The following CCSER2 variants were observed in gnomAD, a reference collection of about 807,000 sequenced individuals.
CCSER2 encodes the protein serine-rich coiled-coil domain-containing protein 2.
A neutral mutation model predicts 92.3 loss-of-function variants in CCSER2; 46 were observed. That is an observed-to-expected ratio of 0.50 (90% CI 0.39 to 0.64). The LOEUF (loss-of-function observed/expected upper bound fraction) is 0.64. Ranked by LOEUF, CCSER2 falls within the 30% of genes least tolerant of loss-of-function variation. The pLI, the probability that CCSER2 is intolerant of heterozygous loss-of-function variation, is 0.00. For missense variants in CCSER2, 1,244 were observed against 1,238.9 expected, an observed-to-expected ratio of 1.00 and a Z score of -0.06; for synonymous variants, 433 against 431.4, an observed-to-expected ratio of 1.00 and a Z score of -0.04.
At chr10:84,370,063 A>G (rs1187293456) in intron 1 of CCSER2, among the ~76,000 whole-genome samples, 4 of 152,186 alleles carry the variant, frequency 2.6e-5, no homozygotes, top group East Asian at 3.9e-4. Context: ...CTTGTAGTAT[A>G]ATTTGAAGTT....
At chr10:84,392,280 G>A (rs1473157160) in intron 3 of CCSER2, among the ~76,000 whole-genome samples, 2 of 128,338 alleles carry the variant, frequency 1.6e-5, no homozygotes, top group East Asian at 5.2e-4. Flanking sequence ...GTTGAAATAT[G>A]TCTCCAGCTA....
intron 9 of CCSER2, among the ~76,000 whole-genome samples, chr10:84,487,350 A>G (rs1308658009): frequency 6.6e-6 from 1 of 152,202 alleles, no homozygotes; most frequent in African/African-American, 2.4e-5. Flanking sequence ...GGCCATTTTC[A>G]TGATATTGAT....
chr10:84,494,452 C>T lies in CCSER2; in HGVS notation c.2325+16788C>T, dbSNP rs77308690. Among the ~76,000 whole-genome samples the T allele has an allele frequency of 3.0e-3, 464 of 152,258 alleles. 19 individuals carry two copies. The East Asian group carries it at 0.079, about 26-fold the overall frequency. Reference sequence around the variant, plus strand: ...TAATGCCAACCTTCTCATCCAGTGACTCATCCGGTGACTGAGAATGCCTAA... The same window carrying T: ...TAATGCCAACCTTCTCATCCAGTGATTCATCCGGTGACTGAGAATGCCTAA... On this transcript the variant is annotated intron_variant, in intron 9 of 9. Coordinates refer to ENST00000372088, the MANE Select transcript of CCSER2 (RefSeq NM_001284240.2).
At chr10:84,499,964 G>A (rs1012655762) in intron 9 of CCSER2, 1 of 1,613,890 alleles carries the variant, frequency 6.2e-7, no homozygotes, top group Non-Finnish European at 8.5e-7. Context: ...GACAGAGTGA[G>A]TCTGTGTCTC....
At chr10:84,389,455 G>A (rs769404952) in intron 3 of CCSER2, 43 of 404,840 alleles carry the variant, frequency 1.1e-4, no homozygotes, top group Non-Finnish European at 1.9e-4. Context: ...CGTCAATCTG[G>A]GCCTGTCTAT....
At chr10:84,381,580 G>A (rs1421046368) in intron 3 of CCSER2, among the ~76,000 whole-genome samples, 1 of 152,114 alleles carries the variant, frequency 6.6e-6, no homozygotes, top group Non-Finnish European at 1.5e-5. Context: ...GCGAGGCAGA[G>A]GGTACCCACA....
chr10:84,517,752 C>G lies in CCSER2; in HGVS notation c.*3485C>G, dbSNP rs1055874603. 1.3e-5 allele frequency: 2 copies of G among 152,552 alleles called. No individual in the cohort carries two copies. Among genetic ancestry groups the G allele is most frequent in the Non-Finnish European group, 2.9e-5 (2 of 68,022 alleles). 9.4% of individuals were successfully genotyped at this position (152,552 alleles called of 1,614,324 possible). A position where few individuals can be genotyped will look rare whatever the true frequency, so the allele number is the denominator to read the frequency against. On this transcript the variant is annotated 3_prime_UTR_variant, in exon 10 of 10. Coordinates refer to ENST00000372088, the MANE Select transcript of CCSER2 (RefSeq NM_001284240.2). ...GTATTTTACTTTTTTCTCAGTACATCAGAGAGAGCGTGATCCCCCTACAGC... is the reference window on the plus strand; with the variant it reads ...GTATTTTACTTTTTTCTCAGTACATGAGAGAGAGCGTGATCCCCCTACAGC...
At position 84,451,267 on chromosome 10, in the gene CCSER2, G is replaced by GT. The variant is rs1371545325; in HGVS notation, c.2064+12566dup. Among the ~76,000 whole-genome samples, 5 of 123,036 alleles carry GT rather than the reference G, an allele frequency of 4.1e-5. No homozygotes were observed. In the East Asian group the frequency reaches 6.8e-4, roughly 17 times the overall value. The allele number at this position is 123,036 out of a possible 152,430, so 80.7% of individuals were successfully genotyped here. ...TTGGTTGGTTGGGTTTTTTTTTTTT[G>GT]TTTTTTGTTTTTTTTTTTAAAGAAC... On this transcript the variant is annotated intron_variant, in intron 6 of 9. Transcript: ENST00000372088.
chr10:84,391,404 A>C, intron 3 of CCSER2: 1 of 1,501,940 alleles, frequency 6.7e-7, no homozygotes, highest in Admixed American at 1.7e-5. Flanking sequence ...CAGTGGATGC[A>C]GGATAAAATG....
chr10:84,336,357 T>C (rs1354961983), intron 1 of CCSER2, among the ~76,000 whole-genome samples: 1 of 152,332 alleles, frequency 6.6e-6, no homozygotes, highest in African/African-American at 2.4e-5. Flanking sequence ...AAAATAAGTA[T>C]ATGTGTAATA....
At chr10:84,340,631 GT>G (rs969511792) in intron 1 of CCSER2, among the ~76,000 whole-genome samples, 77 of 144,420 alleles carry the variant, frequency 5.3e-4, no homozygotes, top group African/African-American at 1.0e-3. Flanking sequence ...TCCTTCTCTG[GT>G]TTTTTTTTTT....
In CCSER2 at chr10:84,371,816, A is replaced by C; in HGVS notation, c.764A>C (p.Gln255Pro). ...GCTGTGGATCTTACAAAGCCTTATC[A>C]GAACCAACAGCTATCCATTAGAGTG... The part of the protein sequence containing the change: ...NRAVDLTKPY[Q>P]NQQLSIRVPL... Residue 255 changes from glutamine to proline, a missense_variant, in exon 2 of 10, where the codon CAG becomes CCG. Transcript: ENST00000372088. 6.2e-7 allele frequency: 1 copy of C among 1,614,008 alleles called. No individual in the cohort carries two copies. The highest frequency in any genetic ancestry group is 8.5e-7 in the Non-Finnish European group (1 of 1,179,926).
At chr10:84,385,430 T>G (rs1841146611) in intron 3 of CCSER2, among the ~76,000 whole-genome samples, 2 of 152,150 alleles carry the variant, frequency 1.3e-5, no homozygotes, top group Middle Eastern at 3.4e-3. Flanking sequence ...TGGAACAGAA[T>G]AGAGAACCAA....
chr10:84,473,569 A>G (rs919660072), intron 8 of CCSER2, among the ~76,000 whole-genome samples: 3 of 152,212 alleles, frequency 2.0e-5, no homozygotes, highest in African/African-American at 7.2e-5. Flanking sequence ...TAACAGTATA[A>G]GGTTTAGTTA....
At chr10:84,450,394 A>T (rs1353977646) in intron 6 of CCSER2, among the ~76,000 whole-genome samples, 3 of 152,212 alleles carry the variant, frequency 2.0e-5, no homozygotes, top group Admixed American at 1.3e-4. Context: ...AAATATATGT[A>T]TATCTCCCTA....
intron 9 of CCSER2, among the ~76,000 whole-genome samples, chr10:84,499,280 T>C (rs1433940987): frequency 1.3e-5 from 2 of 152,186 alleles, no homozygotes; most frequent in Middle Eastern, 3.4e-3. Flanking sequence ...GTTTTACAGG[T>C]GGCTGCCACC....
chr10:84,459,530 G>C (rs938087780), intron 6 of CCSER2, among the ~76,000 whole-genome samples: 2 of 151,718 alleles, frequency 1.3e-5, no homozygotes, highest in African/African-American at 2.4e-5. Context: ...TTTGGTTTTG[G>C]GGGGGAATCA....
At chr10:84,440,083 C>A (rs980855240) in intron 6 of CCSER2, among the ~76,000 whole-genome samples, 20 of 152,034 alleles carry the variant, frequency 1.3e-4, no homozygotes, top group Non-Finnish European at 2.9e-4. Context: ...GACCAGGCCA[C>A]TTCTAATAAT....
At chr10:84,379,914 A>G (rs1196279006) in intron 3 of CCSER2, among the ~76,000 whole-genome samples, 1 of 152,058 alleles carries the variant, frequency 6.6e-6, no homozygotes, top group Admixed American at 6.5e-5. Context: ...GTTATTCTTT[A>G]TTGCTAATAA....
Sources: gnomAD v4.1 joint callset for allele counts (sites outside exome capture counted in the v4.1 genomes callset) on GRCh38, gnomAD v4.1.1 for gene constraint, MANE v1.5 for transcripts, NCBI Gene and HGNC (gene_info 2026-07-23, HGNC 2026-07-21) for gene names.